The following NLRC3 variants were observed in gnomAD, a reference collection of about 807,000 sequenced individuals.
NLRC3 encodes the protein NLR family CARD domain containing 3, also known as NLR family CARD domain-containing protein 3.
NLRC3 carries 87 observed loss-of-function variants against 91.6 expected under a neutral mutation model. The ratio of observed to expected loss-of-function variants is 0.95; its 90% CI spans 0.80 to 1.14. The LOEUF is 1.14. NLRC3 is among the 50% of genes most tolerant of loss of function. The probability of loss-of-function intolerance (pLI) is 0.00; values close to 1 mark genes in which losing one functional copy is unlikely to be tolerated. For synonymous variants in NLRC3, 694 were observed against 625.3 expected (o/e 1.11, Z -1.64); for missense variants, 1,577 against 1,418.6 (o/e 1.11, Z -1.79).
At chr16:3,559,310 G>A (rs1345417986) in intron 6 of NLRC3, among the ~76,000 whole-genome samples, 4 of 152,198 alleles carry the variant, frequency 2.6e-5, no homozygotes, top group Non-Finnish European at 4.4e-5. Context: ...GAGAGGTAAA[G>A]AAGAGCATGT....
chr16:3,548,542 C>T (rs1028022271), intron 14 of NLRC3, 128 bp downstream of exon 14: 12 of 699,062 alleles, frequency 1.7e-5, no homozygotes, highest in East Asian at 2.7e-5. Context: ...CAGGCTAGCC[C>T]GGGCAGCCCC....
chr16:3,548,787 G>C lies in NLRC3; in HGVS notation c.2604-34C>G, dbSNP rs755616443. 165 of 1,482,204 alleles carry C rather than the reference G, an allele frequency of 1.1e-4. 1 individual carries two copies. In the South Asian group the frequency reaches 1.6e-3, roughly 15 times the overall value. 91.8% of individuals were successfully genotyped at this position (1,482,204 alleles called of 1,614,324 possible). On this transcript the variant is annotated intron_variant, in intron 13 of 19. Coordinates refer to ENST00000359128, the MANE Select transcript of NLRC3 (RefSeq NM_178844.4). ...AAGGGAACAGGAGCAAGTGAGCCGG[G>C]GGCCGGCTGTGAAGCCTCCGGTCCT...
chr16:3,568,967 A>G (rs1475338949), intron 1 of NLRC3, among the ~76,000 whole-genome samples: 1 of 152,236 alleles, frequency 6.6e-6, no homozygotes, highest in Admixed American at 6.5e-5. Flanking sequence ...AACATATTAA[A>G]TATTCACATT....
At chr16:3,556,800 G>A in intron 8 of NLRC3, 111 bp downstream of exon 8, 3 of 740,146 alleles carry the variant, frequency 4.1e-6, no homozygotes, top group Non-Finnish European at 7.1e-6. Flanking sequence ...ACTGTGCCCG[G>A]CCCCATGCCT....
At chr16:3,549,326 G>A in intron 12 of NLRC3, 101 bp from the exon 13 acceptor site, 1 of 854,368 alleles carries the variant, frequency 1.2e-6, no homozygotes, top group East Asian at 2.6e-5. Context: ...AGAAACTGCA[G>A]GCGGGGGACC....
rs1031117421 is a variant in NLRC3 at position 3,577,156 on chromosome 16, G to A, written c.-176C>T. ...CACCTGGACCCAACTTACCTCCCGGGCCTCGATGCTGCTCCAGGGACAGCA... is the reference window on the plus strand; with the variant it reads ...CACCTGGACCCAACTTACCTCCCGGACCTCGATGCTGCTCCAGGGACAGCA... On this transcript the variant is annotated 5_prime_UTR_variant, in exon 1 of 20. Coordinates refer to ENST00000359128, the MANE Select transcript of NLRC3 (RefSeq NM_178844.4). 13 of 702,944 alleles carry A rather than the reference G, an allele frequency of 1.8e-5. No homozygotes were observed. The highest frequency in any genetic ancestry group is 2.6e-5 in the Non-Finnish European group (10 of 385,026). 43.5% of individuals were successfully genotyped at this position (702,944 alleles called of 1,614,324 possible). A position where few individuals can be genotyped will look rare whatever the true frequency, so the allele number is the denominator to read the frequency against.
At chr16:3,541,986 A>G in intron 19 of NLRC3, 71 bp from the exon 20 acceptor site, 1 of 931,290 alleles carries the variant, frequency 1.1e-6, no homozygotes, top group Non-Finnish European at 1.7e-6. Context: ...CATACAATAG[A>G]AAATGCAGGA....
At position 3,549,692 on chromosome 16, in the gene NLRC3, C is replaced by G. The variant is rs748407374; in HGVS notation, c.2519+5G>C. 3.2e-6 allele frequency: 5 copies of G among 1,549,512 alleles called. No individual in the cohort carries two copies. The highest frequency in any genetic ancestry group is 2.6e-6 in the Non-Finnish European group (3 of 1,145,218). ...CCCTGTTTGGAGAGGGTGGCCAGGA[C>G]TTACCTGAGGCTGAGGAGGGTCTGG... is the stretch of plus-strand genomic sequence containing the variant. On this transcript the variant is annotated splice_donor_5th_base_variant and intron_variant, in intron 12 of 19. Coordinates refer to ENST00000359128, the MANE Select transcript of NLRC3 (RefSeq NM_178844.4).
rs774149308 is a variant in NLRC3, at chr16:3,563,604, A to G, written c.1333T>C (p.Leu445=). The change falls in exon 5 of 20, where the codon TTG becomes CTG. Residue 445 remains leucine (L), a synonymous_variant. Transcript: ENST00000359128. ...CSCFLQREET[L]ASSVAYCFTH... is the part of the protein sequence containing the mutation. ...AAGCAGTAGGCCACTGACGATGCCA[A>G]CGTCTCCTCTCTCTGCAGGAAGCAG... 51 of 1,613,120 alleles carry G rather than the reference A, an allele frequency of 3.2e-5. No homozygotes were observed. The highest frequency in any genetic ancestry group is 4.2e-5 in the Non-Finnish European group (49 of 1,179,766).
At chr16:3,551,709 ATTCATCTACTCG>A (rs2039017231) in intron 10 of NLRC3, among the ~76,000 whole-genome samples, 1 of 145,256 alleles carries the variant, frequency 6.9e-6, no homozygotes, top group Non-Finnish European at 1.5e-5. Flanking sequence ...CCACTCAGTC[ATTCATCTACTCG>A]TTCATTCAAC....
chr16:3,569,868 C>T (rs1410149947), intron 1 of NLRC3, among the ~76,000 whole-genome samples: 2 of 152,108 alleles, frequency 1.3e-5, no homozygotes, highest in Admixed American at 6.6e-5. Flanking sequence ...TAGTTTTCTT[C>T]TCCGATAGAG....
At position 3,563,976 on chromosome 16, in the gene NLRC3, C is replaced by A; in HGVS notation, c.961G>T (p.Ala321Ser). Residue 321 changes from alanine to serine, a missense_variant, in exon 5 of 20, where the codon GCC becomes TCC. Coordinates refer to ENST00000359128, the MANE Select transcript of NLRC3 (RefSeq NM_178844.4). ...WMLSQVQADRALYLMCTVPAF... is the reference protein window; with the variant it reads ...WMLSQVQADRSLYLMCTVPAF... ...GGGACGGTGCACATCAGGTACAGGGCCCTGTCAGCCTGCACTTGGCTCAGC... is the reference window on the plus strand; with the variant it reads ...GGGACGGTGCACATCAGGTACAGGGACCTGTCAGCCTGCACTTGGCTCAGC... 1 of 1,604,208 alleles carries A rather than the reference C, an allele frequency of 6.2e-7. No individual in the cohort carries two copies. The highest frequency in any genetic ancestry group is 8.5e-7 in the Non-Finnish European group (1 of 1,178,098).
At chr16:3,557,107 C>A in intron 7 of NLRC3, 113 bp from the exon 8 acceptor site, 4 of 704,988 alleles carry the variant, frequency 5.7e-6, no homozygotes, top group Non-Finnish European at 9.9e-6. Context: ...TGTGTAAGGG[C>A]TTAGGATCTC....
At chr16:3,555,900 G>A (rs1187764041) in intron 8 of NLRC3, 1 of 145,298 alleles carries the variant, frequency 6.9e-6, no homozygotes, top group Non-Finnish European at 1.5e-5. Context: ...TCAATTTTAT[G>A]GTACATGAAT....
chr16:3,564,597 C>G lies in NLRC3; in HGVS notation c.340G>C (p.Gly114Arg), dbSNP rs569495525. 2 of 1,611,010 alleles carry G rather than the reference C, an allele frequency of 1.2e-6. No homozygotes were observed. The highest frequency in any genetic ancestry group is 1.7e-6 in the Non-Finnish European group (2 of 1,179,668). ...ACGGTCCTGGCGGGGTGCCCGCCCC[C>G]GCGGGTGGCCTCCACCTGTGTGAAG... is the stretch of plus-strand genomic sequence containing the variant. ...HDFTQVEATR[G>R]GGHPARTVAL... Residue 114 changes from glycine to arginine, a missense_variant, in exon 5 of 20, where the codon GGG becomes CGG. Gly to Arg is a moderately radical substitution (Grantham distance 125, BLOSUM62 -2). Transcript: ENST00000359128. This position sits in a 1 kb window ranked among gnomAD's most constrained non-coding sequence, Gnocchi z 5.9.
chr16:3,542,123 C>A (rs569197058), intron 19 of NLRC3, 68 bp downstream of exon 19: 1 of 1,173,148 alleles, frequency 8.5e-7, no homozygotes, highest in East Asian at 2.6e-5. Context: ...GCTCTCAGAA[C>A]TGGGCAAAAG....
intron 1 of NLRC3, among the ~76,000 whole-genome samples, chr16:3,568,397 C>T (rs192406125): frequency 6.6e-6 from 1 of 152,082 alleles, no homozygotes; most frequent in East Asian, 1.9e-4. Flanking sequence ...TTCTTTTATT[C>T]TTCTAAATGT....
At position 3,549,728 on chromosome 16, in the gene NLRC3, G is replaced by C; in HGVS notation, c.2488C>G (p.Leu830Val). 3 of 1,551,316 alleles carry C rather than the reference G, an allele frequency of 1.9e-6. No individual in the cohort carries two copies. The highest frequency in any genetic ancestry group is 1.2e-5 in the South Asian group (1 of 84,054). ...DAGVAALMGA[L>V]CTNQTLLSLS... is the part of the protein sequence containing the mutation. The stretch of plus-strand genomic sequence containing the variant: ...CTGAGGAGGGTCTGGTTGGTGCAGA[G>C]GGCCCCCATCAGTGCTGCCACTCCT... Residue 830 changes from leucine (L) to valine (V), a missense_variant, in exon 12 of 20, where the codon CTC becomes GTC. Physicochemically the swap from Leu to Val is conservative, Grantham distance 32 (BLOSUM62 1). Coordinates refer to ENST00000359128, the MANE Select transcript of NLRC3 (RefSeq NM_178844.4).
intron 1 of NLRC3, among the ~76,000 whole-genome samples, chr16:3,572,325 G>T (rs954239473): frequency 2.8e-4 from 42 of 151,842 alleles, no homozygotes; most frequent in Admixed American, 9.2e-4. Flanking sequence ...TTTGAGACAG[G>T]ATCTCACTGT....
Sources: allele counts gnomAD v4.1 joint callset (sites outside exome capture counted in the v4.1 genomes callset), GRCh38; gene constraint gnomAD v4.1.1; non-coding constraint Gnocchi (gnomAD v3.1); transcripts MANE v1.5; gene names NCBI Gene and HGNC (gene_info 2026-07-23, HGNC 2026-07-21).